Variants in PCDH7 observed in about 807,000 individuals in gnomAD.
PCDH7 encodes the protein protocadherin 7.
PCDH7 carries 17 observed loss-of-function variants against 58.9 expected under a neutral mutation model. That is an observed-to-expected ratio of 0.29 (90% CI 0.20 to 0.43). The LOEUF is 0.43. Ranked by LOEUF, PCDH7 falls within the 20% of genes least tolerant of loss-of-function variation. The pLI is 1.00. For synonymous variants in PCDH7, 664 were observed against 616.4 expected, an observed-to-expected ratio of 1.08 and a Z score of -1.14; for missense variants, 1,274 against 1,441.0, an observed-to-expected ratio of 0.88 and a Z score of 1.88.
At chr4:30,787,328 G>A (rs1723534969) in intron 1 of PCDH7, among the ~76,000 whole-genome samples, 1 of 152,056 alleles carries the variant, frequency 6.6e-6, no homozygotes, top group African/African-American at 2.4e-5. Context: ...CCTCAGGATT[G>A]AAATCCGAGA....
At chr4:30,924,068 C>A (rs1743532174) in intron 2 of PCDH7, among the ~76,000 whole-genome samples, 1 of 152,138 alleles carries the variant, frequency 6.6e-6, no homozygotes, top group African/African-American at 2.4e-5. Context: ...ACGCAGTAGT[C>A]TTCAGACTTT....
chr4:30,931,673 C>T (rs2109426681), intron 2 of PCDH7, among the ~76,000 whole-genome samples: 1 of 151,840 alleles, frequency 6.6e-6, no homozygotes, highest in East Asian at 1.9e-4. Flanking sequence ...AACTGGAGAC[C>T]AGAAAATGGA....
intron 1 of PCDH7, among the ~76,000 whole-genome samples, chr4:30,773,359 A>G (rs960398415): frequency 2.0e-5 from 3 of 152,232 alleles, no homozygotes; most frequent in Admixed American, 2.0e-4. Flanking sequence ...ATATAAAAGT[A>G]TGTGAAACAT....
chr4:30,996,922 A>C (rs575399478), intron 3 of PCDH7, among the ~76,000 whole-genome samples: 2 of 152,310 alleles, frequency 1.3e-5, no homozygotes, highest in Admixed American at 6.5e-5. Context: ...TCTTGCTTTC[A>C]GTAATAACAA....
At chr4:30,933,799 C>T (rs554972955) in intron 2 of PCDH7, among the ~76,000 whole-genome samples, 2 of 152,288 alleles carry the variant, frequency 1.3e-5, no homozygotes, top group African/African-American at 4.8e-5. Context: ...TTTCAAAAAT[C>T]ATTAATTAAA....
At chr4:31,097,591 T>C (rs1428177115) in intron 3 of PCDH7, among the ~76,000 whole-genome samples, 41 of 15,274 alleles carry the variant, frequency 2.7e-3, no homozygotes, top group East Asian at 6.9e-3. Context: ...AATATACATA[T>C]ATATATATAT....
chr4:30,740,420 G>A (rs1716905812), intron 1 of PCDH7, among the ~76,000 whole-genome samples: 1 of 151,974 alleles, frequency 6.6e-6, no homozygotes, highest in Non-Finnish European at 1.5e-5. Flanking sequence ...TTTATCCTGT[G>A]CTTTTGGGAA....
At chr4:31,060,215 C>T (rs1218324796) in intron 3 of PCDH7, among the ~76,000 whole-genome samples, 2 of 151,546 alleles carry the variant, frequency 1.3e-5, no homozygotes, top group Non-Finnish European at 1.5e-5. Context: ...ACACATTGTC[C>T]CCAATCTTGG....
At chr4:30,797,432 C>T in intron 1 of PCDH7, among the ~76,000 whole-genome samples, 1 of 151,964 alleles carries the variant, frequency 6.6e-6, no homozygotes, top group East Asian at 1.9e-4. Flanking sequence ...GCCACCACGC[C>T]CGGCTAATTT....
In PCDH7 at chr4:30,875,007, T is replaced by C. The variant is rs965227563; in HGVS notation, c.71-45146T>C. ...TTCACCCATTTATTGTTACAGTCCT[T>C]ATTTCCTCACATCATCGTATTTTCA... On this transcript the variant is annotated intron_variant, in intron 1 of 3. Coordinates refer to the PCDH7 transcript ENST00000509759. Among the ~76,000 whole-genome samples, 15 of 152,216 alleles carry C rather than the reference T, an allele frequency of 9.9e-5. 1 individual carries two copies. The highest frequency in any genetic ancestry group is 6.8e-3 in the Middle Eastern group (2 of 294).
chr4:30,889,591 T>A (rs973714468), intron 1 of PCDH7, among the ~76,000 whole-genome samples: 1 of 152,132 alleles, frequency 6.6e-6, no homozygotes, highest in Non-Finnish European at 1.5e-5. Flanking sequence ...AAACTGGTGG[T>A]TTATAAACCC....
chr4:30,905,305 T>C (rs927902549), intron 1 of PCDH7, among the ~76,000 whole-genome samples: 7 of 152,152 alleles, frequency 4.6e-5, no homozygotes, highest in African/African-American at 1.4e-4. Flanking sequence ...CATTGCTCCC[T>C]TGAACTGCTG....
At chr4:31,084,539 A>C (rs1712065859) in intron 3 of PCDH7, among the ~76,000 whole-genome samples, 1 of 151,184 alleles carries the variant, frequency 6.6e-6, no homozygotes, top group African/African-American at 2.4e-5. Flanking sequence ...CAGGCTATAC[A>C]GGAAGCATGG....
intron 2 of PCDH7, among the ~76,000 whole-genome samples, chr4:30,943,225 C>T (rs529904461): frequency 2.0e-5 from 3 of 152,052 alleles, no homozygotes; most frequent in Non-Finnish European, 2.9e-5. Context: ...CTTCAGTCCT[C>T]TCTTCACCAC....
At chr4:30,963,189 C>T (rs529989910) in intron 3 of PCDH7, among the ~76,000 whole-genome samples, 3 of 152,298 alleles carry the variant, frequency 2.0e-5, no homozygotes, top group African/African-American at 7.2e-5. Context: ...TGGCCTAAAT[C>T]TAATCAATCA....
At chr4:31,071,770 T>C (rs1249595978) in intron 3 of PCDH7, among the ~76,000 whole-genome samples, 2 of 152,032 alleles carry the variant, frequency 1.3e-5, no homozygotes, top group Non-Finnish European at 2.9e-5. Context: ...TTATTCCTTT[T>C]GTTCTTTTCA....
chr4:31,051,843 G>A (rs1039274734), intron 3 of PCDH7, among the ~76,000 whole-genome samples: 7 of 148,008 alleles, frequency 4.7e-5, no homozygotes, highest in African/African-American at 1.5e-4. Context: ...TGGGGGGCGG[G>A]TAGGGGAATT....
intron 3 of PCDH7, among the ~76,000 whole-genome samples, chr4:31,018,385 G>T (rs1349800108): frequency 2.0e-5 from 3 of 152,144 alleles, no homozygotes; most frequent in Non-Finnish European, 4.4e-5. Context: ...CAACATTCTT[G>T]ATTCCTTTAA....
In PCDH7 at chr4:30,960,112, GGGAAGGAA is replaced by G. The variant is rs796354089; in HGVS notation, c.*7+9932_*7+9939del. 1.8e-3 allele frequency among the ~76,000 whole-genome samples: 117 copies of G among 65,758 alleles called. 1 individual carries two copies. The highest frequency in any genetic ancestry group is 2.1e-3 in the Admixed American group (13 of 6,064). The allele number at this position is 65,758 out of a possible 152,430, so 43.1% of individuals were successfully genotyped here. On this transcript the variant is annotated intron_variant, in intron 3 of 3. Coordinates refer to the PCDH7 transcript ENST00000509759. ...AAGGAAGGAAGGAAGAAAGGAAGGA[GGGAAGGAA>G]GGAAGGAAGGAAGGAAGGAAGGAAG...
Sources: gnomAD v4.1 joint callset for allele counts (sites outside exome capture counted in the v4.1 genomes callset) on GRCh38, gnomAD v4.1.1 for gene constraint, MANE v1.5 for transcripts, NCBI Gene and HGNC (gene_info 2026-07-23, HGNC 2026-07-21) for gene names.